The following TMEM8B variants were observed in gnomAD, a reference collection of about 807,000 sequenced individuals.
The protein encoded by TMEM8B is transmembrane protein 8B, also known as nasopharyngeal carcinoma expressed 6.
In TMEM8B, 29 loss-of-function variants were observed where a neutral mutation model predicts 49.3. The ratio of observed to expected loss-of-function variants is 0.59; its 90% CI spans 0.44 to 0.80. The LOEUF is 0.80. TMEM8B is among the 30% of genes least tolerant of loss of function. TMEM8B has a pLI of 0.00. For missense variants in TMEM8B, 575 were observed against 658.5 expected (o/e 0.87, Z 1.39); for synonymous variants, 264 against 272.8 (o/e 0.97, Z 0.32).
intron 10 of TMEM8B, among the ~76,000 whole-genome samples, chr9:35,850,715 T>C (rs192158022): frequency 1.3e-5 from 2 of 152,352 alleles, no homozygotes; most frequent in East Asian, 3.9e-4. Context: ...GTGTCTTCAA[T>C]GTTTAGTGAT....
chr9:35,852,915 T>C lies in TMEM8B; in HGVS notation c.2264T>C (p.Leu755Ser). 2 of 1,614,232 alleles carry C rather than the reference T, an allele frequency of 1.2e-6. No individual in the cohort carries two copies. Among genetic ancestry groups the C allele is most frequent in the Non-Finnish European group, 1.7e-6 (2 of 1,180,046 alleles). Residue 755 changes from leucine (L) to serine (S), a missense_variant, in exon 11 of 13, where the codon TTA (leucine) becomes TCA (serine). Coordinates refer to ENST00000643932, the MANE Select transcript of TMEM8B (RefSeq NM_001042590.4). ...CAGTTCTGTGATTTCCTGGGCTCCTTAATGTCCGTGTGGGTCACTGTCATT... is the reference window on the plus strand; with the variant it reads ...CAGTTCTGTGATTTCCTGGGCTCCTCAATGTCCGTGTGGGTCACTGTCATT... ...VLQFCDFLGS[L>S]MSVWVTVIAM...
intron 3 of TMEM8B, among the ~76,000 whole-genome samples, chr9:35,838,189 A>T (rs1198386784): frequency 6.6e-6 from 1 of 152,176 alleles, no homozygotes; most frequent in African/African-American, 2.4e-5. Flanking sequence ...CAATCCATGC[A>T]CCTGGTACAA....
intron 1 of TMEM8B, 116 bp from the exon 2 acceptor site, chr9:35,834,345 T>C: frequency 2.5e-6 from 1 of 399,392 alleles, no homozygotes; most frequent in Middle Eastern, 6.3e-4. Context: ...AGTTCCTGGC[T>C]CAGAGGAGAG....
Position 35,841,343 on chromosome 9 carries a change from C to G in TMEM8B, c.1040+76C>G. On this transcript the variant is annotated intron_variant, in intron 4 of 12. Transcript: ENST00000643932. The surrounding 1 kb of genome is among the most constrained non-coding windows in gnomAD (Gnocchi z 5.9). The stretch of plus-strand genomic sequence containing the variant: ...TACAGGCTGCAGGGTTCTCTCTTGG[C>G]TTCTCCACCTACCTGCCTGGTCCCT... The G allele has an allele frequency of 2.4e-6, 1 of 416,344 alleles. No homozygotes were observed. The highest frequency in any genetic ancestry group is 4.4e-6 in the Non-Finnish European group (1 of 227,522). 25.8% of individuals were successfully genotyped at this position (416,344 alleles called of 1,614,324 possible).
At position 35,856,162 on chromosome 9, in the gene TMEM8B, T is replaced by G. The variant is rs1389858644; in HGVS notation, c.*2322T>G. The G allele has an allele frequency of 6.6e-6, 1 of 152,226 alleles. No homozygotes were observed. 9.4% of individuals were successfully genotyped at this position (152,226 alleles called of 1,614,324 possible). A position where few individuals can be genotyped will look rare whatever the true frequency, so the allele number is the denominator to read the frequency against. On this transcript the variant is annotated 3_prime_UTR_variant, in exon 13 of 13. Transcript: ENST00000643932. ...GGAGAGTGTTCTTTGTGGTCACCAG[T>G]GTCCACATGGCATCCCTTCCCTGAG...
At chr9:35,851,769 T>C (rs1832161502) in intron 10 of TMEM8B, among the ~76,000 whole-genome samples, 1 of 152,188 alleles carries the variant, frequency 6.6e-6, no homozygotes, top group Non-Finnish European at 1.5e-5. Flanking sequence ...TTCGTCTTCA[T>C]TTTGTTTTCT....
chr9:35,853,541 C>G lies in TMEM8B; in HGVS notation c.2476C>G (p.Pro826Ala). 1.2e-6 allele frequency: 2 copies of G among 1,614,124 alleles called. No homozygotes were observed. Among genetic ancestry groups the G allele is most frequent in the Non-Finnish European group, 1.7e-6 (2 of 1,180,022 alleles). ...RSVRRRHCYP[P>A]TWRRWLFYLC... ...CGTCCGCCGCCGGCACTGCTACCCA[C>G]CCACGTGGCGCCGCTGGCTTTTCTA... The change falls in exon 13 of 13, where the codon CCC becomes GCC. Residue 826 changes from proline (P) to alanine (A), a missense_variant. Transcript: ENST00000643932. The surrounding 1 kb of genome is among the most constrained non-coding windows in gnomAD (Gnocchi z 4.2).
intron 10 of TMEM8B, among the ~76,000 whole-genome samples, chr9:35,851,389 C>T (rs1832122642): frequency 6.6e-6 from 1 of 152,192 alleles, no homozygotes; most frequent in Non-Finnish European, 1.5e-5. Flanking sequence ...AAGTGATCTG[C>T]CCACCTCATC....
Position 35,853,743 on chromosome 9 carries a change from C to T in TMEM8B, c.2678C>T (p.Ala893Val). ...CACGGGGTCCCATCTGGAGCCCGGG[C>T]CCGGGGCTGTGGTTACCAGCTATGC... is the stretch of plus-strand genomic sequence containing the variant. ...TDHGVPSGAR[A>V]RGCGYQLCIN... The change falls in exon 13 of 13, where the codon GCC (alanine) becomes GTC (valine). Residue 893 changes from alanine to valine, a missense_variant. Physicochemically the swap from Ala to Val is moderately conservative, Grantham distance 64. Coordinates refer to ENST00000643932, the MANE Select transcript of TMEM8B (RefSeq NM_001042590.4). The surrounding 1 kb of genome is among the most constrained non-coding windows in gnomAD (Gnocchi z 4.2). The T allele has an allele frequency of 6.2e-7, 1 of 1,612,956 alleles. No homozygotes were observed. The highest frequency in any genetic ancestry group is 1.1e-5 in the South Asian group (1 of 91,002).
intron 6 of TMEM8B, among the ~76,000 whole-genome samples, chr9:35,843,292 T>C (rs886431966): frequency 5.3e-5 from 8 of 152,230 alleles, no homozygotes; most frequent in African/African-American, 1.9e-4. Context: ...ACCCACTCTC[T>C]CACGTTTTCC....
chr9:35,839,848 C>G (rs944317613), intron 3 of TMEM8B, among the ~76,000 whole-genome samples: 1 of 152,208 alleles, frequency 6.6e-6, no homozygotes, highest in Non-Finnish European at 1.5e-5. Context: ...TTTTGACACC[C>G]ATTCTTTAAC....
Position 35,853,293 on chromosome 9 carries a change from G to T in TMEM8B, c.2439+36G>T, listed in dbSNP as rs897330946. On this transcript the variant is annotated intron_variant, in intron 12 of 12. Coordinates refer to ENST00000643932, the MANE Select transcript of TMEM8B (RefSeq NM_001042590.4). This position sits in a 1 kb window ranked among gnomAD's most constrained non-coding sequence, Gnocchi z 4.2. ...GGAGGGATGTGGGGGGAGGGTCCCA[G>T]CAGGACTTGGGTGCTGGGCCCCAGG... The T allele has an allele frequency of 1.3e-6, 2 of 1,577,328 alleles. No homozygotes were observed. The highest frequency in any genetic ancestry group is 8.7e-7 in the Non-Finnish European group (1 of 1,147,778).
intron 10 of TMEM8B, 156 bp downstream of exon 10, chr9:35,847,151 C>T (rs377036662): frequency 1.4e-5 from 22 of 1,610,824 alleles, no homozygotes; most frequent in Non-Finnish European, 1.9e-5. Flanking sequence ...AACTGTCATG[C>T]ATAGATAATG....
Position 35,858,098 on chromosome 9 carries a change from TTC to T in TMEM8B, c.*4260_*4261del, listed in dbSNP as rs1429997420. 5.9e-3 allele frequency: 549 copies of T among 92,846 alleles called. 1 individual carries two copies. Among genetic ancestry groups the T allele is most frequent in the Middle Eastern group, 0.014 (2 of 142 alleles). The allele number at this position is 92,846 out of a possible 1,614,324, so 5.8% of individuals were successfully genotyped here. A position where few individuals can be genotyped will look rare whatever the true frequency, so the allele number is the denominator to read the frequency against. On this transcript the variant is annotated 3_prime_UTR_variant, in exon 13 of 13. Coordinates refer to ENST00000643932, the MANE Select transcript of TMEM8B (RefSeq NM_001042590.4). ...TGTGTCTGGTGCTGTTCCATTTTTT[TTC>T]TTTCTTTCTTTTTTTTTTTTTTGAG... is the stretch of plus-strand genomic sequence containing the variant.
Position 35,854,927 on chromosome 9 carries a change from G to T in TMEM8B, c.*1087G>T, listed in dbSNP as rs1832460170. ...CATGAGGGTCATAGCTGAGTTCTGA[G>T]GGTCTTACATAATGCCAAGAAGTTG... On this transcript the variant is annotated 3_prime_UTR_variant, in exon 13 of 13. Coordinates refer to ENST00000643932, the MANE Select transcript of TMEM8B (RefSeq NM_001042590.4). 1 of 152,190 alleles carries T rather than the reference G, an allele frequency of 6.6e-6. No individual in the cohort carries two copies. The highest frequency in any genetic ancestry group is 1.5e-5 in the Non-Finnish European group (1 of 68,048). The allele number at this position is 152,190 out of a possible 1,614,324, so 9.4% of individuals were successfully genotyped here. A position where few individuals can be genotyped will look rare whatever the true frequency, so the allele number is the denominator to read the frequency against.
At chr9:35,833,418 C>T (rs1357544994) in intron 1 of TMEM8B, 2 of 967,236 alleles carry the variant, frequency 2.1e-6, no homozygotes, top group Non-Finnish European at 2.5e-6. Flanking sequence ...TTTGAGAGAC[C>T]TTGCCTGCCA....
Position 35,841,302 on chromosome 9 carries a change from C to A in TMEM8B, c.1040+35C>A. ...AGACTCCCCACACCTGGTCCTTTCC[C>A]TCTTCTGTGGCCTCATACAGGCTGC... On this transcript the variant is annotated intron_variant, in intron 4 of 12. Transcript: ENST00000643932. The surrounding 1 kb of genome is among the most constrained non-coding windows in gnomAD (Gnocchi z 5.9). 2.4e-6 allele frequency: 1 copy of A among 416,518 alleles called. No individual in the cohort carries two copies. Among genetic ancestry groups the A allele is most frequent in the Non-Finnish European group, 4.4e-6 (1 of 226,944 alleles). 25.8% of individuals were successfully genotyped at this position (416,518 alleles called of 1,614,324 possible).
Position 35,855,019 on chromosome 9 carries a change from C to T in TMEM8B, c.*1179C>T, listed in dbSNP as rs1178731933. ...ATCCCCGGGATTTCCATCATTCCAT[C>T]TGGTCCCCAGTCAGAGGTCCAGACA... On this transcript the variant is annotated 3_prime_UTR_variant, in exon 13 of 13. Coordinates refer to ENST00000643932, the MANE Select transcript of TMEM8B (RefSeq NM_001042590.4). 2 of 152,236 alleles carry T rather than the reference C, an allele frequency of 1.3e-5. No homozygotes were observed. Among genetic ancestry groups the T allele is most frequent in the Non-Finnish European group, 2.9e-5 (2 of 68,062 alleles). The allele number at this position is 152,236 out of a possible 1,614,324, so 9.4% of individuals were successfully genotyped here.
rs1237426101 is a variant in TMEM8B, at chr9:35,860,156, C to G, written c.*6316C>G. ...GACTTCAGATCTGCAATCTGGCCTT[C>G]TCAGCGCTGCAGTTCTGTGGACGTC... On this transcript the variant is annotated 3_prime_UTR_variant, in exon 13 of 13. Transcript: ENST00000643932. 1 of 152,276 alleles carries G rather than the reference C, an allele frequency of 6.6e-6. No individual in the cohort carries two copies. Among genetic ancestry groups the G allele is most frequent in the East Asian group, 1.9e-4 (1 of 5,196 alleles). The allele number at this position is 152,276 out of a possible 1,614,324, so 9.4% of individuals were successfully genotyped here.
Sources: allele counts gnomAD v4.1 joint callset (sites outside exome capture counted in the v4.1 genomes callset), GRCh38; gene constraint gnomAD v4.1.1; non-coding constraint Gnocchi (gnomAD v3.1); transcripts MANE v1.5; gene names NCBI Gene and HGNC (gene_info 2026-07-23, HGNC 2026-07-21).